The following CLYBL variants were observed in gnomAD, a reference collection of about 807,000 sequenced individuals.
CLYBL encodes the protein citramalyl-CoA lyase, mitochondrial.
A neutral mutation model predicts 38.9 loss-of-function variants in CLYBL; 31 were observed. The observed-to-expected ratio is 0.80, with a 90% CI of 0.60 to 1.08. The LOEUF is 1.08. CLYBL is among the 50% of genes least tolerant of loss of function. CLYBL has a pLI of 0.00. For synonymous variants in CLYBL, 171 were observed against 158.6 expected, an observed-to-expected ratio of 1.08 and a Z score of -0.59; for missense variants, 434 against 411.6, an observed-to-expected ratio of 1.05 and a Z score of -0.47.
chr13:99,684,185 GA>G (rs1439649806), intron 1 of CLYBL, among the ~76,000 whole-genome samples: 2 of 125,790 alleles, frequency 1.6e-5, no homozygotes, highest in Non-Finnish European at 3.2e-5. Context: ...TGGCATGTTT[GA>G]TTTTTTTTTT....
At chr13:99,751,227 GTT>G (rs1437541711) in intron 1 of CLYBL, among the ~76,000 whole-genome samples, 3 of 143,368 alleles carry the variant, frequency 2.1e-5, no homozygotes, top group Non-Finnish European at 3.1e-5. Context: ...AAGTTTTTTT[GTT>G]TTTTTTTTTT....
intron 1 of CLYBL, among the ~76,000 whole-genome samples, chr13:99,754,452 A>C (rs1465796017): frequency 1.4e-5 from 2 of 144,504 alleles, no homozygotes; most frequent in Admixed American, 7.0e-5. Flanking sequence ...GGAGAGATGG[A>C]GTCTCACTCT....
intron 1 of CLYBL, among the ~76,000 whole-genome samples, chr13:99,636,404 A>T (rs1436683295): frequency 6.6e-6 from 1 of 152,220 alleles, no homozygotes; most frequent in African/African-American, 2.4e-5. Context: ...TTGAAAACAG[A>T]GGTGGGACCT....
intron 2 of CLYBL, among the ~76,000 whole-genome samples, chr13:99,773,525 G>A (rs368164787): frequency 2.6e-5 from 4 of 152,256 alleles, no homozygotes; most frequent in Middle Eastern, 3.4e-3. Flanking sequence ...TAGGTTGCAC[G>A]CTCCTTGTAA....
chr13:99,884,890 C>A (rs2052307872), intron 7 of CLYBL: 2 of 444,606 alleles, frequency 4.5e-6, no homozygotes, highest in South Asian at 1.7e-5. Flanking sequence ...TTTGCCCAGA[C>A]AACTACAGTC....
At chr13:99,629,625 C>T (rs2046915587) in intron 1 of CLYBL, among the ~76,000 whole-genome samples, 1 of 152,196 alleles carries the variant, frequency 6.6e-6, no homozygotes, top group Non-Finnish European at 1.5e-5. Context: ...TCATGGGCAG[C>T]TTGAGAGGCT....
intron 1 of CLYBL, among the ~76,000 whole-genome samples, chr13:99,725,113 G>A (rs1041070545): frequency 1.3e-5 from 2 of 152,138 alleles, no homozygotes; most frequent in African/African-American, 2.4e-5. Context: ...GAAGAGGCAC[G>A]CACTGCAGAC....
chr13:99,736,904 G>A (rs1176979901), intron 1 of CLYBL, among the ~76,000 whole-genome samples: 1 of 152,070 alleles, frequency 6.6e-6, no homozygotes, highest in African/African-American at 2.4e-5. Context: ...CCTGGCTTAG[G>A]TGCCCAGTAT....
At chr13:99,826,917 G>A (rs531047711) in intron 2 of CLYBL, among the ~76,000 whole-genome samples, 1 of 152,294 alleles carries the variant, frequency 6.6e-6, no homozygotes, top group East Asian at 1.9e-4. Flanking sequence ...TAAGCTTTAG[G>A]TGTCAATGAA....
At chr13:99,702,467 C>T (rs1417065151) in intron 1 of CLYBL, among the ~76,000 whole-genome samples, 2 of 152,066 alleles carry the variant, frequency 1.3e-5, no homozygotes, top group African/African-American at 4.8e-5. Flanking sequence ...CCTGTCTCTA[C>T]TAAAAAATAC....
rs1252749362 is a variant in CLYBL, at chr13:99,865,704, G to A, written c.635-536G>A. Among the ~76,000 whole-genome samples, 1 of 152,180 alleles carries A rather than the reference G, an allele frequency of 6.6e-6. No individual in the cohort carries two copies. The highest frequency in any genetic ancestry group is 1.9e-4 in the East Asian group (1 of 5,196). ...TTCAGCGGGCTACAGAAGGCATATC[G>A]ATGCTTTCCAGCCCTCTCAAAACAA... is the stretch of plus-strand genomic sequence containing the variant. On this transcript the variant is annotated intron_variant, in intron 5 of 8. Coordinates refer to ENST00000339105, the MANE Select transcript of CLYBL (RefSeq NM_206808.5). The surrounding 1 kb of genome is among the most constrained non-coding windows in gnomAD (Gnocchi z 4.7).
chr13:99,806,791 A>G (rs1486020695), intron 2 of CLYBL, among the ~76,000 whole-genome samples: 1 of 152,102 alleles, frequency 6.6e-6, no homozygotes, highest in Non-Finnish European at 1.5e-5. Flanking sequence ...CTTCTGTTGT[A>G]TTACCTCTTA....
intron 1 of CLYBL, among the ~76,000 whole-genome samples, chr13:99,745,888 G>GA (rs11419451): frequency 0.92 from 135,200 of 147,738 alleles, 62,871 homozygotes; most frequent in East Asian, 1. Flanking sequence ...TGGCTAAATA[G>GA]AAAAAAAAAA....
At chr13:99,769,331 A>G (rs1176733672) in intron 1 of CLYBL, among the ~76,000 whole-genome samples, 1 of 152,164 alleles carries the variant, frequency 6.6e-6, no homozygotes, top group African/African-American at 2.4e-5. Context: ...AGTGGTTTCA[A>G]AATAGTTACA....
chr13:99,675,879 G>C (rs1308350912), intron 1 of CLYBL, among the ~76,000 whole-genome samples: 3 of 152,030 alleles, frequency 2.0e-5, no homozygotes, highest in African/African-American at 2.4e-5. Context: ...ATTTCTTCTG[G>C]GGTTATACTT....
At chr13:99,716,088 C>G (rs975995864) in intron 1 of CLYBL, among the ~76,000 whole-genome samples, 1 of 143,648 alleles carries the variant, frequency 7.0e-6, no homozygotes, top group Non-Finnish European at 1.5e-5. Context: ...GTTCAAAAGG[C>G]TTTTCTTTTC....
At position 99,790,572 on chromosome 13, in the gene CLYBL, C is replaced by T. The variant is rs555215748; in HGVS notation, c.249+17562C>T. On this transcript the variant is annotated intron_variant, in intron 2 of 8. Transcript: ENST00000339105. ...TGTAGAGTTACTGCTGAGAGATCCA[C>T]TGTTAGTCTGATGGGTTTCCCTTTA... 2.2e-3 allele frequency among the ~76,000 whole-genome samples: 329 copies of T among 152,360 alleles called. 3 individuals carry two copies. Among genetic ancestry groups the T allele is most frequent in the Admixed American group, 2.3e-3 (35 of 15,306 alleles).
intron 2 of CLYBL, among the ~76,000 whole-genome samples, chr13:99,818,148 A>G (rs890713107): frequency 6.6e-6 from 1 of 152,002 alleles, no homozygotes; most frequent in African/African-American, 2.4e-5. Context: ...ATGAGAACTT[A>G]TGTGGCAGAG....
downstream of CLYBL, chr13:99,895,395 G>A (rs2052561838): frequency 6.6e-6 from 1 of 152,212 alleles, no homozygotes; most frequent in South Asian, 2.1e-4. Flanking sequence ...CGCAGGCCCC[G>A]AGCTCGTGGA....
Sources: gnomAD v4.1 joint callset for allele counts (sites outside exome capture counted in the v4.1 genomes callset) on GRCh38, gnomAD v4.1.1 for gene constraint, Gnocchi (gnomAD v3.1) non-coding constraint, MANE v1.5 for transcripts, NCBI Gene and HGNC (gene_info 2026-07-23, HGNC 2026-07-21) for gene names.